MALRD1: variants seen among roughly 807,000 people sequenced by gnomAD.
MALRD1 encodes MAM and LDL-receptor class A domain-containing protein 1.
A neutral mutation model predicts 242.1 loss-of-function variants in MALRD1; 247 were observed. That is an observed-to-expected ratio of 1.02 (90% CI 0.92 to 1.13). MALRD1 has a LOEUF of 1.13. Among genes scored for constraint, MALRD1 ranks in the 50% most tolerant of loss-of-function variants. The probability of loss-of-function intolerance (pLI) is 0.00; values close to 1 mark genes in which losing one functional copy is unlikely to be tolerated. For synonymous variants in MALRD1, 995 were observed against 866.6 expected (o/e 1.15, Z -2.60); for missense variants, 2,989 against 2,533.1 (o/e 1.18, Z -3.86).
At chr10:19,729,401 A>G (rs1440153871) in intron 38 of MALRD1, among the ~76,000 whole-genome samples, 1 of 152,208 alleles carries the variant, frequency 6.6e-6, no homozygotes, top group South Asian at 2.1e-4. Flanking sequence ...TACATTATAC[A>G]TACATTATAC....
rs548330307 is a variant in MALRD1, at chr10:19,567,592, C to G, written c.5569C>G (p.Leu1857Val). 8.6e-5 allele frequency: 134 copies of G among 1,550,530 alleles called. 2 individuals are homozygous for G. The South Asian group carries it at 1.4e-3, about 16-fold the overall frequency. Residue 1857 changes from leucine to valine, a missense_variant, in exon 33 of 40, where the codon CTC becomes GTC. By Grantham distance (32) the Leu-to-Val change is conservative (BLOSUM62 1). Transcript: ENST00000454679. ...RTGWTYGSVP[L>V]SSNSPFKVAF... ...GGGATGGACATATGGCTCTGTGCCT[C>G]TCTCCAGTAACAGTCCGTTTAAGGT...
chr10:19,438,260 T>C (rs1039506180), intron 28 of MALRD1, among the ~76,000 whole-genome samples: 3 of 152,148 alleles, frequency 2.0e-5, no homozygotes, highest in Non-Finnish European at 4.4e-5. Flanking sequence ...AATAGAAATA[T>C]AAATATGTCC....
chr10:19,176,765 T>C (rs149581451), intron 14 of MALRD1, among the ~76,000 whole-genome samples: 1 of 152,198 alleles, frequency 6.6e-6, no homozygotes, highest in East Asian at 1.9e-4. Flanking sequence ...GCTCTGCGCA[T>C]GTGTTCATGC....
chr10:19,341,705 T>C (rs147777119), intron 24 of MALRD1, among the ~76,000 whole-genome samples: 1 of 151,936 alleles, frequency 6.6e-6, no homozygotes, highest in African/African-American at 2.4e-5. Flanking sequence ...GAAATTCTCA[T>C]TGAGAAATTA....
At chr10:19,688,759 G>A (rs958162120) in intron 36 of MALRD1, among the ~76,000 whole-genome samples, 3 of 152,182 alleles carry the variant, frequency 2.0e-5, no homozygotes, top group African/African-American at 7.2e-5. Flanking sequence ...TGTGATTAAC[G>A]CTGTTCTCAG....
chr10:19,270,497 A>G (rs1840176795), intron 19 of MALRD1, among the ~76,000 whole-genome samples: 1 of 152,154 alleles, frequency 6.6e-6, no homozygotes, highest in Admixed American at 6.5e-5. Context: ...GCTGAGCTTA[A>G]AAAGGGGAAA....
intron 31 of MALRD1, among the ~76,000 whole-genome samples, chr10:19,522,592 CCTT>C (rs1008147131): frequency 4.6e-5 from 7 of 152,102 alleles, no homozygotes; most frequent in African/African-American, 1.7e-4. Context: ...AGTTTTTCCT[CCTT>C]CACCAAATTT....
chr10:19,301,529 G>C (rs762939542), intron 21 of MALRD1, among the ~76,000 whole-genome samples: 1 of 151,934 alleles, frequency 6.6e-6, no homozygotes, highest in Non-Finnish European at 1.5e-5. Context: ...ACACTATGCA[G>C]CCATAGAGAA....
At chr10:19,247,001 T>C (rs755261311) in intron 18 of MALRD1, among the ~76,000 whole-genome samples, 22 of 152,100 alleles carry the variant, frequency 1.4e-4, no homozygotes, top group Non-Finnish European at 2.8e-4. Flanking sequence ...ATTATACAAA[T>C]GTGTATAATG....
intron 38 of MALRD1, among the ~76,000 whole-genome samples, chr10:19,714,531 G>A (rs988869860): frequency 4.6e-5 from 7 of 152,134 alleles, no homozygotes; most frequent in African/African-American, 1.2e-4. Flanking sequence ...TCTGGGAAAT[G>A]CAACATTTGG....
chr10:19,567,630 T>A lies in MALRD1; in HGVS notation c.5607T>A (p.Ala1869=), dbSNP rs1366545671. The stretch of plus-strand genomic sequence containing the variant: ...GTCCGTTTAAGGTGGCATTTGAAGC[T>A]GATTTGGATGGAAATGAGGACATCT... ...SNSPFKVAFE[A]DLDGNEDIFI... Residue 1869 remains alanine, a synonymous_variant, in exon 33 of 40, where the codon GCT becomes GCA. Transcript: ENST00000454679. The A allele has an allele frequency of 6.4e-7, 1 of 1,550,754 alleles. No homozygotes were observed. The highest frequency in any genetic ancestry group is 8.7e-7 in the Non-Finnish European group (1 of 1,146,962).
intron 33 of MALRD1, among the ~76,000 whole-genome samples, chr10:19,593,877 G>A (rs1837942616): frequency 6.6e-6 from 1 of 152,174 alleles, no homozygotes; most frequent in African/African-American, 2.4e-5. Flanking sequence ...TTTGAAGCAG[G>A]TTATCTTCAG....
chr10:19,157,272 C>CTTT (rs34652493), intron 12 of MALRD1, among the ~76,000 whole-genome samples: 2 of 137,674 alleles, frequency 1.5e-5, no homozygotes, highest in Non-Finnish European at 1.6e-5. Flanking sequence ...TCTTTCTTTC[C>CTTT]TTTTTTTTTT....
chr10:19,306,070 A>ATATTATATAG (rs1842168600), intron 21 of MALRD1, among the ~76,000 whole-genome samples: 1 of 120,206 alleles, frequency 8.3e-6, no homozygotes, highest in African/African-American at 3.3e-5. Flanking sequence ...ACTATACTAT[A>ATATTATATAG]TATACTATAT....
In MALRD1 at chr10:19,163,155, A is replaced by AAG. The variant is rs1265327999; in HGVS notation, c.1657-2481_1657-2480insGA. On this transcript the variant is annotated intron_variant, in intron 12 of 39. Transcript: ENST00000454679. ...CCCTGTCTAAAAAAAAAAAAAAAAAAAAAAAAAAAAGACATCATTCTATCA... is the reference window on the plus strand; with the variant it reads ...CCCTGTCTAAAAAAAAAAAAAAAAAAAGAAAAAAAAAAGACATCATTCTATCA... 9.3e-4 allele frequency among the ~76,000 whole-genome samples: 139 copies of AAG among 149,096 alleles called. 3 individuals are homozygous for AAG. The highest frequency in any genetic ancestry group is 3.5e-3 in the Middle Eastern group (1 of 288).
At position 19,719,244 on chromosome 10, in the gene MALRD1, A is replaced by ACATACATATATATATATGTG. The variant is rs1834621703; in HGVS notation, c.6315-11462_6315-11461insCATACATATATATATATGTG. Among the ~76,000 whole-genome samples, 26 of 96,936 alleles carry ACATACATATATATATATGTG rather than the reference A, an allele frequency of 2.7e-4. 1 individual carries two copies. The highest frequency in any genetic ancestry group is 4.4e-4 in the Non-Finnish European group (23 of 51,772). The allele number at this position is 96,936 out of a possible 152,430, so 63.6% of individuals were successfully genotyped here. On this transcript the variant is annotated intron_variant, in intron 38 of 39. Transcript: ENST00000454679. ...CATACATATATATATATATATATAT[A>ACATACATATATATATATGTG]TATATATATATATATGCTATCAAAT...
At chr10:19,638,109 A>AG (rs1840226375) in intron 36 of MALRD1, among the ~76,000 whole-genome samples, 2 of 135,856 alleles carry the variant, frequency 1.5e-5, no homozygotes, top group African/African-American at 7.2e-5. Flanking sequence ...CTCAAAAAAA[A>AG]AAAAAAAAAA....
intron 11 of MALRD1, among the ~76,000 whole-genome samples, chr10:19,151,730 T>C (rs1446406607): frequency 1.3e-5 from 2 of 152,166 alleles, no homozygotes; most frequent in Non-Finnish European, 2.9e-5. Flanking sequence ...AATTAAGAAA[T>C]TGAATGTATG....
At chr10:19,612,084 C>A (rs4406722) in intron 35 of MALRD1, among the ~76,000 whole-genome samples, 1 of 151,874 alleles carries the variant, frequency 6.6e-6, no homozygotes, top group Non-Finnish European at 1.5e-5. Flanking sequence ...TCTGCAGTCT[C>A]AGACACTCTT....
Sources: allele counts gnomAD v4.1 joint callset (sites outside exome capture counted in the v4.1 genomes callset), GRCh38; gene constraint gnomAD v4.1.1; transcripts MANE v1.5; gene names NCBI Gene and HGNC (gene_info 2026-07-23, HGNC 2026-07-21).